Variants in LRP1B observed in about 807,000 individuals in gnomAD.
LRP1B encodes LDL receptor related protein 1B.
In LRP1B, 217 loss-of-function variants were observed where a neutral mutation model predicts 556.6. That is an observed-to-expected ratio of 0.39 (90% CI 0.35 to 0.44). The LOEUF (loss-of-function observed/expected upper bound fraction) is 0.44, where lower values mean the gene tolerates loss of function less well. LRP1B is among the 20% of genes least tolerant of loss of function. The pLI is 1.00. For synonymous variants in LRP1B, 2,047 were observed against 1,865.8 expected (o/e 1.10, Z -2.50); for missense variants, 5,053 against 5,620.8 (o/e 0.90, Z 3.23).
chr2:141,431,216 C>G lies in LRP1B; in HGVS notation c.343+49180G>C, dbSNP rs545287254. 6.6e-5 allele frequency among the ~76,000 whole-genome samples: 9 copies of G among 136,198 alleles called. No individual in the cohort carries two copies. The East Asian group carries it at 2.1e-3, about 32-fold the overall frequency. 89.4% of individuals were successfully genotyped at this position (136,198 alleles called of 152,430 possible). A position where few individuals can be genotyped will look rare whatever the true frequency, so the allele number is the denominator to read the frequency against. On this transcript the variant is annotated intron_variant, in intron 3 of 90. Coordinates refer to ENST00000389484, the MANE Select transcript of LRP1B (RefSeq NM_018557.3). ...TGGTGAGCTAATGTAATCATATCAG[C>G]CCTCAAAAGTTCAAGAGAAAGTCAG...
rs1686597740 is a variant in LRP1B, at chr2:140,700,563, T to A, written c.6486A>T (p.Gly2162=). 6.2e-7 allele frequency: 1 copy of A among 1,613,426 alleles called. No homozygotes were observed. The highest frequency in any genetic ancestry group is 8.5e-7 in the Non-Finnish European group (1 of 1,179,656). Residue 2162 remains glycine (G), a synonymous_variant, in exon 41 of 91, where the codon GGA becomes GGT. Transcript: ENST00000389484. The part of the protein sequence containing the change: ...GGCKQLCLYR[G]NSRRTCACAH... ...CACAAGCACAAGTTCTCCGGGAATT[T>A]CCTCGATAAAGACAGAGTTGCTTAC...
intron 2 of LRP1B, among the ~76,000 whole-genome samples, chr2:141,790,824 G>C (rs1379719462): frequency 1.3e-5 from 2 of 151,894 alleles, no homozygotes; most frequent in Admixed American, 6.6e-5. Context: ...CACAGAAATT[G>C]GTGGTAATGA....
chr2:140,646,884 A>G (rs1303735608), intron 41 of LRP1B, among the ~76,000 whole-genome samples: 3 of 152,070 alleles, frequency 2.0e-5, no homozygotes, highest in South Asian at 2.1e-4. Flanking sequence ...ACATACCTAT[A>G]CACATATATA....
intron 2 of LRP1B, among the ~76,000 whole-genome samples, chr2:141,730,954 A>T (rs1693248875): frequency 6.6e-6 from 1 of 152,140 alleles, no homozygotes; most frequent in Non-Finnish European, 1.5e-5. Context: ...TTATCATCTA[A>T]TAGCCAATCC....
At chr2:142,056,200 G>A (rs976872428) in intron 1 of LRP1B, among the ~76,000 whole-genome samples, 6 of 152,016 alleles carry the variant, frequency 3.9e-5, no homozygotes, top group African/African-American at 1.4e-4. Context: ...AATAGATTTT[G>A]TGGTTTTATC....
chr2:140,363,294 A>G (rs1319813379), intron 72 of LRP1B, among the ~76,000 whole-genome samples: 1 of 151,564 alleles, frequency 6.6e-6, no homozygotes, highest in Non-Finnish European at 1.5e-5. Context: ...ATGTTCAGAC[A>G]GTCAATCTGG....
At chr2:140,345,454 T>C (rs888297963) in intron 77 of LRP1B, among the ~76,000 whole-genome samples, 70 of 151,624 alleles carry the variant, frequency 4.6e-4, no homozygotes, top group African/African-American at 1.5e-3. Context: ...GCACTGTATT[T>C]ATTTTCTCTT....
chr2:141,792,186 A>T (rs903468124), intron 2 of LRP1B, among the ~76,000 whole-genome samples: 6 of 151,970 alleles, frequency 3.9e-5, no homozygotes, highest in Non-Finnish European at 7.4e-5. Flanking sequence ...AGGGAATGCA[A>T]TGTAGGGAAG....
At chr2:141,365,671 G>GGTTTTTTTTTTTTTTTTTT (rs1573862238) in intron 3 of LRP1B, among the ~76,000 whole-genome samples, 1 of 72,918 alleles carries the variant, frequency 1.4e-5, no homozygotes. Flanking sequence ...TTTTTTTTTT[G>GGTTTTTTTTTTTTTTTTTT]AGACAGAGTC....
At chr2:140,246,052 T>A (rs1348117283) in intron 87 of LRP1B, among the ~76,000 whole-genome samples, 4 of 151,390 alleles carry the variant, frequency 2.6e-5, no homozygotes, top group African/African-American at 9.7e-5. Context: ...TTAGGAAAAA[T>A]TGGACAATGA....
chr2:140,360,082 T>C (rs935981171), intron 72 of LRP1B, among the ~76,000 whole-genome samples: 2 of 151,596 alleles, frequency 1.3e-5, no homozygotes, highest in African/African-American at 4.8e-5. Flanking sequence ...CATCCTCAGA[T>C]CCTCAAAAAG....
At chr2:141,587,135 A>C (rs1214957094) in intron 2 of LRP1B, among the ~76,000 whole-genome samples, 1 of 152,202 alleles carries the variant, frequency 6.6e-6, no homozygotes, top group Non-Finnish European at 1.5e-5. Flanking sequence ...ACAAATATGC[A>C]AAAAACTAGG....
intron 18 of LRP1B, among the ~76,000 whole-genome samples, chr2:140,981,536 C>A (rs1696769844): frequency 6.6e-6 from 1 of 151,996 alleles, no homozygotes; most frequent in Non-Finnish European, 1.5e-5. Flanking sequence ...TGCATGAGTA[C>A]AATGAGAGTA....
At chr2:140,424,860 A>G (rs1364420482) in intron 66 of LRP1B, among the ~76,000 whole-genome samples, 1 of 152,236 alleles carries the variant, frequency 6.6e-6, no homozygotes, top group African/African-American at 2.4e-5. Flanking sequence ...AAGGATAAAG[A>G]GAGCTTCTCT....
At chr2:140,249,273 G>C (rs1010640787) in intron 86 of LRP1B, among the ~76,000 whole-genome samples, 1 of 151,646 alleles carries the variant, frequency 6.6e-6, no homozygotes, top group Non-Finnish European at 1.5e-5. Context: ...TATATTTTGA[G>C]ATCTCCAGAT....
intron 25 of LRP1B, among the ~76,000 whole-genome samples, chr2:140,879,558 TAA>T (rs1481530332): frequency 6.6e-6 from 1 of 152,066 alleles, no homozygotes; most frequent in East Asian, 1.9e-4. Flanking sequence ...AAAACAATCT[TAA>T]GAGCTGATTT....
chr2:141,022,340 A>G (rs1324874884), intron 11 of LRP1B, among the ~76,000 whole-genome samples: 2 of 151,906 alleles, frequency 1.3e-5, no homozygotes, highest in South Asian at 2.1e-4. Context: ...ATTTAAAAAT[A>G]AGAAAATGTA....
intron 35 of LRP1B, among the ~76,000 whole-genome samples, chr2:140,731,348 G>A (rs1481119558): frequency 1.3e-5 from 2 of 152,106 alleles, no homozygotes; most frequent in Non-Finnish European, 2.9e-5. Flanking sequence ...TTGAATAAAT[G>A]TTGATATCCA....
intron 2 of LRP1B, among the ~76,000 whole-genome samples, chr2:141,603,481 G>A (rs1313502871): frequency 6.6e-6 from 1 of 152,090 alleles, no homozygotes; most frequent in African/African-American, 2.4e-5. Context: ...CCCATGTCTT[G>A]TATCAGGGGA....
Sources: allele counts gnomAD v4.1 joint callset (sites outside exome capture counted in the v4.1 genomes callset), GRCh38; gene constraint gnomAD v4.1.1; transcripts MANE v1.5; gene names NCBI Gene and HGNC (gene_info 2026-07-23, HGNC 2026-07-21).